JUP: variants seen among roughly 807,000 people sequenced by gnomAD.
JUP encodes junction plakoglobin, also known as catenin (cadherin-associated protein), gamma 80kDa.
Under a neutral mutation model 71.1 loss-of-function variants are expected in JUP, and 28 were observed. That is an observed-to-expected ratio of 0.39 (90% CI 0.29 to 0.54). The LOEUF (loss-of-function observed/expected upper bound fraction) is 0.54, where lower values mean the gene tolerates loss of function less well. JUP is among the 20% of genes least tolerant of loss of function. JUP has a pLI of 0.62. For missense variants in JUP, 869 were observed against 1,030.1 expected (o/e 0.84, Z 2.14); for synonymous variants, 401 against 438.9 (o/e 0.91, Z 1.08).
chr17:41,764,824 A>G lies in JUP; in HGVS notation c.1055-8T>C, dbSNP rs1394581499. Reference sequence around the variant, plus strand: ...CCAGGGCCTGCATCCCACCTGGGGCAGGGATAGGGGTGCCATCAGCCACGG... The same window carrying G: ...CCAGGGCCTGCATCCCACCTGGGGCGGGGATAGGGGTGCCATCAGCCACGG... On this transcript the variant is annotated splice_region_variant and splice_polypyrimidine_tract_variant and intron_variant, in intron 6 of 13. Transcript: ENST00000393931. 7 of 1,613,764 alleles carry G rather than the reference A, an allele frequency of 4.3e-6. No homozygotes were observed. The highest frequency in any genetic ancestry group is 5.9e-6 in the Non-Finnish European group (7 of 1,179,854).
At chr17:41,766,464 T>C (rs1915731732) in intron 5 of JUP, among the ~76,000 whole-genome samples, 1 of 152,110 alleles carries the variant, frequency 6.6e-6, no homozygotes, top group African/African-American at 2.4e-5. Flanking sequence ...CTCACACCTG[T>C]AATCCTGATA....
Position 41,779,791 on chromosome 17 carries a change from G to A in JUP, c.-9+6797C>T, listed in dbSNP as rs570341628. On this transcript the variant is annotated intron_variant, in intron 1 of 13. Coordinates refer to ENST00000393931, the MANE Select transcript of JUP (RefSeq NM_002230.4). ...AGCAATCCTTCCGCCTCAGCCTCCCGAGTAGCTAGGACCACGTGCACATGC... is the reference window on the plus strand; with the variant it reads ...AGCAATCCTTCCGCCTCAGCCTCCCAAGTAGCTAGGACCACGTGCACATGC... Among the ~76,000 whole-genome samples, 10 of 151,560 alleles carry A rather than the reference G, an allele frequency of 6.6e-5. No individual in the cohort carries two copies. In the East Asian group the frequency reaches 1.7e-3, roughly 26 times the overall value.
At chr17:41,773,826 G>A (rs901668215) in intron 1 of JUP, among the ~76,000 whole-genome samples, 2 of 152,218 alleles carry the variant, frequency 1.3e-5, no homozygotes, top group East Asian at 3.8e-4. Context: ...AGGAGAGTTT[G>A]GAAGAGAAGC....
intron 1 of JUP, among the ~76,000 whole-genome samples, chr17:41,785,732 G>C (rs2047425430): frequency 1.3e-5 from 2 of 152,190 alleles, no homozygotes; most frequent in Non-Finnish European, 2.9e-5. Context: ...GACGGGTCCT[G>C]TTCCCCTACC....
rs782176670 is a variant in JUP at position 41,757,704 on chromosome 17, G to A, written c.1854C>T (p.Ala618=). The A allele has an allele frequency of 1.2e-5, 20 of 1,613,186 alleles. No homozygotes were observed. Among genetic ancestry groups the A allele is most frequent in the South Asian group, 8.8e-5 (8 of 91,014 alleles). Residue 618 remains alanine, a synonymous_variant, in exon 11 of 14, where the codon GCC becomes GCT. Transcript: ENST00000393931. Reference sequence around the variant, plus strand: ...AGGCCCCCTCTGCATCAATGGCGTCGGCCGCCTCCTTGTCCTGGGCCAGCT... The same window carrying A: ...AGGCCCCCTCTGCATCAATGGCGTCAGCCGCCTCCTTGTCCTGGGCCAGCT... ...LCELAQDKEA[A]DAIDAEGASA...
intron 1 of JUP, among the ~76,000 whole-genome samples, chr17:41,777,737 A>C (rs2046954193): frequency 6.6e-6 from 1 of 152,240 alleles, no homozygotes; most frequent in African/African-American, 2.4e-5. Flanking sequence ...CTGCCGACCC[A>C]GCTGCTGTTT....
In JUP at chr17:41,757,864, C is replaced by A. The variant is rs1914121436; in HGVS notation, c.1774-80G>T. On this transcript the variant is annotated intron_variant, in intron 10 of 13. Coordinates refer to ENST00000393931, the MANE Select transcript of JUP (RefSeq NM_002230.4). ...CGGACAACACACCCCACAGCACTGC[C>A]CACCTCCACCCTGTAGCAATTCCAT... is the stretch of plus-strand genomic sequence containing the variant. 7 of 1,187,140 alleles carry A rather than the reference C, an allele frequency of 5.9e-6. No individual in the cohort carries two copies. In the African/African-American group the frequency reaches 6.1e-5, roughly 10 times the overall value. The allele number at this position is 1,187,140 out of a possible 1,614,324, so 73.5% of individuals were successfully genotyped here.
chr17:41,772,996 A>G, intron 1 of JUP: 1 of 985,554 alleles, frequency 1.0e-6, no homozygotes, highest in Non-Finnish European at 1.2e-6. Flanking sequence ...AGACACCGTC[A>G]TGCTCATGGG....
At chr17:41,760,598 G>C (rs893666895) in intron 8 of JUP, among the ~76,000 whole-genome samples, 1 of 151,534 alleles carries the variant, frequency 6.6e-6, no homozygotes, top group Admixed American at 6.6e-5. Context: ...GTCTCTCTCT[G>C]TCACCCAGGC....
rs1555604600 is a variant in JUP at position 41,767,541 on chromosome 17, C to T, written c.747G>A (p.Thr249=). ...VESVLFYAIT[T]LHNLLLYQEG... ...CCTGGTACAGGAGCAGGTTGTGCAG[C>T]GTGGTGATGGCATAGAACAGGACCG... is the stretch of plus-strand genomic sequence containing the variant. Residue 249 remains threonine (T), a synonymous_variant, in exon 5 of 14, where the codon ACG becomes ACA. Transcript: ENST00000393931. The T allele has an allele frequency of 3.6e-6, 5 of 1,395,922 alleles. No individual in the cohort carries two copies. Among genetic ancestry groups the T allele is most frequent in the South Asian group, 1.1e-5 (1 of 88,124 alleles). 86.5% of individuals were successfully genotyped at this position (1,395,922 alleles called of 1,614,324 possible).
At chr17:41,776,974 T>G (rs2046916404) in intron 1 of JUP, among the ~76,000 whole-genome samples, 2 of 152,028 alleles carry the variant, frequency 1.3e-5, no homozygotes, top group Non-Finnish European at 1.5e-5. Context: ...CCAATTGCAT[T>G]CCAGCCAGGG....
In JUP at chr17:41,769,198, T is replaced by A. The variant is rs1555605446; in HGVS notation, c.478A>T (p.Thr160Ser). ...TGGTTCACAATCATGGCCGCCTTGGTCACCACCACCTGGAGGGCAAAGGCA... is the reference window on the plus strand; with the variant it reads ...TGGTTCACAATCATGGCCGCCTTGGACACCACCACCTGGAGGGCAAAGGCA... Reference protein sequence around the residue: ...LLNDEDPVVVTKAAMIVNQLS... With the variant: ...LLNDEDPVVVSKAAMIVNQLS... The change falls in exon 4 of 14, where the codon ACC (threonine) becomes TCC (serine). Residue 160 changes from threonine to serine, a missense_variant. Transcript: ENST00000393931. 1 of 1,600,524 alleles carries A rather than the reference T, an allele frequency of 6.2e-7. No individual in the cohort carries two copies. The highest frequency in any genetic ancestry group is 2.2e-5 in the East Asian group (1 of 44,866).
rs782370709 is a variant in JUP, at chr17:41,769,116, G to A, written c.560C>T (p.Ala187Val). 36 of 1,611,268 alleles carry A rather than the reference G, an allele frequency of 2.2e-5. No homozygotes were observed. The East Asian group carries it at 7.1e-4, about 32-fold the overall frequency. Residue 187 changes from alanine to valine, a missense_variant, in exon 4 of 14, where the codon GCC becomes GTC. Physicochemically the swap from Ala to Val is moderately conservative, Grantham distance 64. Transcript: ENST00000393931. ...RALMGSPQLVAAVVRTMQNTS... is the reference protein window; with the variant it reads ...RALMGSPQLVVAVVRTMQNTS... The stretch of plus-strand genomic sequence containing the variant: ...ATTCTGCATGGTACGCACGACAGCG[G>A]CCACCAGCTGGGGCGAGCCCATCAG...
chr17:41,774,932 CT>C (rs1300410419), intron 1 of JUP, among the ~76,000 whole-genome samples: 74 of 152,052 alleles, frequency 4.9e-4, no homozygotes, highest in African/African-American at 1.7e-3. Context: ...GAAATCCTGT[CT>C]CTACTAAAAA....
intron 4 of JUP, among the ~76,000 whole-genome samples, chr17:41,767,888 A>G (rs1915974877): frequency 6.6e-6 from 1 of 152,224 alleles, no homozygotes; most frequent in Non-Finnish European, 1.5e-5. Flanking sequence ...GGAAGGCCAC[A>G]TATTAGAGAG....
In JUP at chr17:41,770,401, C is replaced by T. The variant is rs56033706; in HGVS notation, c.209-724G>A. 6.5e-3 allele frequency among the ~76,000 whole-genome samples: 985 copies of T among 152,268 alleles called. 12 individuals are homozygous for T. The highest frequency in any genetic ancestry group is 0.021 in the African/African-American group (882 of 41,542). On this transcript the variant is annotated intron_variant, in intron 2 of 13. Coordinates refer to ENST00000393931, the MANE Select transcript of JUP (RefSeq NM_002230.4). ...CACACCCTGGCAACTGTCCTGATGC[C>T]CCCAGGGAGAGGGACGCAGAGGTTC...
At chr17:41,777,181 TGAG>T (rs1555609009) in intron 1 of JUP, among the ~76,000 whole-genome samples, 2 of 152,066 alleles carry the variant, frequency 1.3e-5, no homozygotes, top group African/African-American at 2.4e-5. Context: ...GGAACATGGC[TGAG>T]GAGAAGGGGA....
At chr17:41,770,380 C>T (rs1013904321) in intron 2 of JUP, among the ~76,000 whole-genome samples, 7 of 152,182 alleles carry the variant, frequency 4.6e-5, no homozygotes, top group Non-Finnish European at 7.4e-5. Context: ...AGCAGCCACA[C>T]CCTGGCAACT....
intron 4 of JUP, among the ~76,000 whole-genome samples, chr17:41,768,608 AG>A (rs1916082231): frequency 6.6e-6 from 1 of 151,628 alleles, no homozygotes; most frequent in South Asian, 2.1e-4. Flanking sequence ...GTAGGGGGCC[AG>A]GAAACAGAAA....
Sources: gnomAD v4.1 joint callset for allele counts (sites outside exome capture counted in the v4.1 genomes callset) on GRCh38, gnomAD v4.1.1 for gene constraint, MANE v1.5 for transcripts, NCBI Gene and HGNC (gene_info 2026-07-23, HGNC 2026-07-21) for gene names.